INPP5A: variants seen among roughly 807,000 people sequenced by gnomAD.
INPP5A encodes inositol polyphosphate-5-phosphatase A.
A neutral mutation model predicts 65.2 loss-of-function variants in INPP5A; 14 were observed. The observed-to-expected ratio is 0.21, with a 90% CI of 0.14 to 0.34. The LOEUF is 0.34. INPP5A is among the 10% of genes least tolerant of loss of function. The pLI is 1.00. For synonymous variants in INPP5A, 207 were observed against 208.3 expected (o/e 0.99, Z 0.05); for missense variants, 431 against 545.6 (o/e 0.79, Z 2.09).
At chr10:132,721,027 G>A (rs189287304) in intron 8 of INPP5A, among the ~76,000 whole-genome samples, 12 of 150,348 alleles carry the variant, frequency 8.0e-5, no homozygotes, top group Non-Finnish European at 1.2e-4. Flanking sequence ...TCAGGGTTCT[G>A]TGGTACCTGG....
chr10:132,734,666 C>T (rs1002120259), intron 9 of INPP5A, among the ~76,000 whole-genome samples: 5 of 152,226 alleles, frequency 3.3e-5, no homozygotes, highest in Admixed American at 1.3e-4. Context: ...CCCTCAAGAC[C>T]ATGGCCTTGG....
At chr10:132,710,972 T>G (rs1036060284) in intron 8 of INPP5A, among the ~76,000 whole-genome samples, 1 of 152,190 alleles carries the variant, frequency 6.6e-6, no homozygotes, top group African/African-American at 2.4e-5. Flanking sequence ...GATTTGCCGA[T>G]GGGCCTTACT....
At position 132,546,693 on chromosome 10, in the gene INPP5A, C is replaced by G. The variant is rs2070977345; in HGVS notation, c.75+8522C>G. On this transcript the variant is annotated intron_variant, in intron 1 of 15. Coordinates refer to ENST00000368594, the MANE Select transcript of INPP5A (RefSeq NM_005539.5). The surrounding 1 kb of genome is among the most constrained non-coding windows in gnomAD (Gnocchi z 5.7). ...CCTGGCTCCTGCAGATCTGTGTAGC[C>G]TGCACTGAACTGCCCCTCTTCCTGG... Among the ~76,000 whole-genome samples, 1 of 152,190 alleles carries G rather than the reference C, an allele frequency of 6.6e-6. No homozygotes were observed. Among genetic ancestry groups the G allele is most frequent in the African/African-American group, 2.4e-5 (1 of 41,438 alleles).
At chr10:132,691,983 G>T (rs184306483) in intron 5 of INPP5A, among the ~76,000 whole-genome samples, 176 of 152,316 alleles carry the variant, frequency 1.2e-3, no homozygotes, top group African/African-American at 4.0e-3. Context: ...GAGGCATGCG[G>T]ATGCTGACGA....
At chr10:132,558,207 G>A (rs530752234) in intron 1 of INPP5A, among the ~76,000 whole-genome samples, 2 of 152,296 alleles carry the variant, frequency 1.3e-5, no homozygotes, top group African/African-American at 4.8e-5. Context: ...CGCCAGCTGC[G>A]CATGTGATGG....
intron 1 of INPP5A, among the ~76,000 whole-genome samples, chr10:132,597,101 T>G (rs892249800): frequency 1.7e-4 from 25 of 146,678 alleles, no homozygotes; most frequent in African/African-American, 6.4e-4. Flanking sequence ...GTGCATGTGT[T>G]TGCATGTGTG....
rs1348555658 is a variant in INPP5A, at chr10:132,596,917, G to GCA, written c.76-10998_76-10997insCA. 4.9e-3 allele frequency among the ~76,000 whole-genome samples: 415 copies of GCA among 84,650 alleles called. 2 individuals are homozygous for GCA. The highest frequency in any genetic ancestry group is 0.015 in the African/African-American group (397 of 26,264). The allele number at this position is 84,650 out of a possible 152,430, so 55.5% of individuals were successfully genotyped here. A position where few individuals can be genotyped will look rare whatever the true frequency, so the allele number is the denominator to read the frequency against. ...TGGAGGCTCCTGTGCATGTGTGCAT[G>GCA]TGTGCGCGCATGTGCACGCATGTGT... On this transcript the variant is annotated intron_variant, in intron 1 of 15. Transcript: ENST00000368594.
At chr10:132,748,104 A>G (rs1201086257) in intron 9 of INPP5A, among the ~76,000 whole-genome samples, 1 of 152,196 alleles carries the variant, frequency 6.6e-6, no homozygotes, top group African/African-American at 2.4e-5. Context: ...TTTACACACA[A>G]GCTATAATCC....
chr10:132,573,707 T>G (rs1330618733), intron 1 of INPP5A, among the ~76,000 whole-genome samples: 25 of 92,586 alleles, frequency 2.7e-4, no homozygotes, highest in South Asian at 4.5e-4. Context: ...ACGTGCCGTG[T>G]GAGGTTTTGT....
chr10:132,596,849 G>GTGTGTGTGCA (rs796203592), intron 1 of INPP5A, among the ~76,000 whole-genome samples: 9 of 137,278 alleles, frequency 6.6e-5, no homozygotes, highest in Non-Finnish European at 1.0e-4. Context: ...GTGTGCATGC[G>GTGTGTGTGCA]TGTGTGTGCA....
chr10:132,598,407 GC>G (rs1564929717), intron 1 of INPP5A, among the ~76,000 whole-genome samples: 1 of 152,160 alleles, frequency 6.6e-6, no homozygotes, highest in Admixed American at 6.5e-5. Flanking sequence ...GTCCCTGTCT[GC>G]CCCCAGTTCC....
chr10:132,593,399 T>C (rs1451591283), intron 1 of INPP5A, among the ~76,000 whole-genome samples: 1 of 152,196 alleles, frequency 6.6e-6, no homozygotes, highest in Non-Finnish European at 1.5e-5. Context: ...TTCAGTAAAC[T>C]TAAAAAAAAT....
At position 132,690,397 on chromosome 10, in the gene INPP5A, A is replaced by G. The variant is rs61751227; in HGVS notation, c.312A>G (p.Leu104=). The G allele has an allele frequency of 7.5e-6, 12 of 1,604,798 alleles. No individual in the cohort carries two copies. The highest frequency in any genetic ancestry group is 1.0e-5 in the Non-Finnish European group (12 of 1,171,924). The change falls in exon 5 of 16, where the codon CTA becomes CTG. Residue 104 remains leucine (L), a synonymous_variant. Transcript: ENST00000368594. ...TTTCTCTTTTTGCTCTACAGGCACTAGGAAGCTTTTATTTTCTTCATGAGT... is the reference window on the plus strand; with the variant it reads ...TTTCTCTTTTTGCTCTACAGGCACTGGGAAGCTTTTATTTTCTTCATGAGT... ...NYKSQEHFTA[L]GSFYFLHESL...
chr10:132,695,920 A>AATTCAT (rs1845337173), intron 5 of INPP5A, among the ~76,000 whole-genome samples: 1 of 152,106 alleles, frequency 6.6e-6, no homozygotes, highest in Non-Finnish European at 1.5e-5. Flanking sequence ...CCCACCCCCA[A>AATTCAT]ATTCATCTGC....
intron 8 of INPP5A, among the ~76,000 whole-genome samples, chr10:132,716,947 G>A (rs1412675991): frequency 1.3e-5 from 2 of 152,196 alleles, no homozygotes; most frequent in Non-Finnish European, 2.9e-5. Flanking sequence ...AAGGGAGTGT[G>A]GGCTTTAAAA....
At chr10:132,723,051 G>C (rs1335797979) in intron 8 of INPP5A, among the ~76,000 whole-genome samples, 1 of 152,232 alleles carries the variant, frequency 6.6e-6, no homozygotes, top group Admixed American at 6.5e-5. Flanking sequence ...GGCAGCTGCT[G>C]TTATTAATGG....
At chr10:132,595,914 C>T (rs137989706) in intron 1 of INPP5A, among the ~76,000 whole-genome samples, 558 of 151,588 alleles carry the variant, frequency 3.7e-3, no homozygotes, top group Middle Eastern at 6.8e-3. Flanking sequence ...TTAACATTTC[C>T]CATATTTTCA....
At chr10:132,542,571 C>T (rs1307517162) in intron 1 of INPP5A, among the ~76,000 whole-genome samples, 1 of 151,534 alleles carries the variant, frequency 6.6e-6, no homozygotes, top group Non-Finnish European at 1.5e-5. Context: ...TCTACCGTGG[C>T]AGCCCTCGAG....
chr10:132,775,336 C>T (rs1172319489), intron 12 of INPP5A, among the ~76,000 whole-genome samples: 1 of 151,988 alleles, frequency 6.6e-6, no homozygotes, highest in Non-Finnish European at 1.5e-5. Context: ...GTGCCTCCCC[C>T]CCCACCCAGC....
Sources: allele counts gnomAD v4.1 joint callset (sites outside exome capture counted in the v4.1 genomes callset), GRCh38; gene constraint gnomAD v4.1.1; non-coding constraint Gnocchi (gnomAD v3.1); transcripts MANE v1.5; gene names NCBI Gene and HGNC (gene_info 2026-07-23, HGNC 2026-07-21).